Variants in SHISA5 observed in about 807,000 individuals in gnomAD.
The protein encoded by SHISA5 is protein shisa-5.
A neutral mutation model predicts 27.5 loss-of-function variants in SHISA5; 21 were observed. The ratio of observed to expected loss-of-function variants is 0.76; its 90% CI spans 0.54 to 1.10. The LOEUF (loss-of-function observed/expected upper bound fraction) is 1.10. Among genes scored for constraint, SHISA5 ranks in the 50% least tolerant of loss-of-function variants. The pLI, the probability that SHISA5 is intolerant of heterozygous loss-of-function variation, is 0.00. For synonymous variants in SHISA5, 137 were observed against 142.2 expected (o/e 0.96, Z 0.26); for missense variants, 314 against 336.3 (o/e 0.93, Z 0.52).
intron 2 of SHISA5, among the ~76,000 whole-genome samples, chr3:48,483,838 G>A (rs1190146617): frequency 3.3e-5 from 5 of 151,262 alleles, no homozygotes; most frequent in South Asian, 2.1e-4. Context: ...CCTCCCTCCC[G>A]GACAGGGCGG....
rs986805349 is a variant in SHISA5 at position 48,504,158 on chromosome 3, G to A, written c.-64C>T. 7.6e-6 allele frequency: 6 copies of A among 791,254 alleles called. No homozygotes were observed. The South Asian group carries it at 1.3e-4, about 17-fold the overall frequency. 49.0% of individuals were successfully genotyped at this position (791,254 alleles called of 1,614,324 possible). A position where few individuals can be genotyped will look rare whatever the true frequency, so the allele number is the denominator to read the frequency against. On this transcript the variant is annotated 5_prime_UTR_variant, in exon 1 of 6. Transcript: ENST00000296444. This position sits in a 1 kb window ranked among gnomAD's most constrained non-coding sequence, Gnocchi z 4.0. ...GGCGCAGTGCCGCCACAGCCTCAGTGATCCGCGCGGCCGCCCCTCTCCCTC... is the reference window on the plus strand; with the variant it reads ...GGCGCAGTGCCGCCACAGCCTCAGTAATCCGCGCGGCCGCCCCTCTCCCTC...
chr3:48,503,994 C>G (rs757128753), intron 1 of SHISA5, 25 bp downstream of exon 1: 2 of 1,456,768 alleles, frequency 1.4e-6, no homozygotes, highest in Non-Finnish European at 1.8e-6. Context: ...CAGGGCAGGA[C>G]GGGCCGCCCC....
Position 48,504,111 on chromosome 3 carries a change from G to A in SHISA5, c.-17C>T, listed in dbSNP as rs111510779. 4.3e-5 allele frequency: 54 copies of A among 1,255,830 alleles called. No homozygotes were observed. The highest frequency in any genetic ancestry group is 5.1e-5 in the Non-Finnish European group (50 of 976,440). The allele number at this position is 1,255,830 out of a possible 1,614,324, so 77.8% of individuals were successfully genotyped here. A position where few individuals can be genotyped will look rare whatever the true frequency, so the allele number is the denominator to read the frequency against. On this transcript the variant is annotated 5_prime_UTR_variant, in exon 1 of 6. Transcript: ENST00000296444. This position sits in a 1 kb window ranked among gnomAD's most constrained non-coding sequence, Gnocchi z 4.0. The stretch of plus-strand genomic sequence containing the variant: ...CGCAGTCATGGCTGGGCGGGCGGAC[G>A]GGCGGACGGACGCGAGCGCCGGGCG...
chr3:48,477,410 A>G (rs1007431775), intron 3 of SHISA5, among the ~76,000 whole-genome samples: 6 of 152,032 alleles, frequency 3.9e-5, no homozygotes, highest in African/African-American at 1.2e-4. Flanking sequence ...TTTTAAAAAC[A>G]AAAAACAAAA....
chr3:48,501,414 C>T (rs1049299332), intron 1 of SHISA5, 121 bp from the exon 2 acceptor site: 2 of 1,142,398 alleles, frequency 1.8e-6, no homozygotes, highest in South Asian at 1.5e-5. Context: ...CGTCTCTGAG[C>T]CACCCTAGCC....
At chr3:48,493,137 T>TG (rs2041477352) in intron 2 of SHISA5, among the ~76,000 whole-genome samples, 5 of 524 alleles carry the variant, frequency 9.5e-3, no homozygotes, top group Non-Finnish European at 0.019. Context: ...ATTGCTAAAA[T>TG]TAAACTTTCG....
chr3:48,472,213 C>T (rs924759444), intron 3 of SHISA5, among the ~76,000 whole-genome samples: 1 of 151,150 alleles, frequency 6.6e-6, no homozygotes, highest in Non-Finnish European at 1.5e-5. Context: ...ATAGGCCAGG[C>T]GCAGTGGTTC....
rs1423153690 is a variant in SHISA5, at chr3:48,473,123, AAATCT to A, written c.315-3285_315-3281del. On this transcript the variant is annotated intron_variant, in intron 3 of 5. Coordinates refer to ENST00000296444, the MANE Select transcript of SHISA5 (RefSeq NM_016479.6). The surrounding 1 kb of genome is among the most constrained non-coding windows in gnomAD (Gnocchi z 4.3). The stretch of plus-strand genomic sequence containing the variant: ...CTCCCCTTTTGGAGAAAAAGAAAGC[AAATCT>A]CCTCCAGATGACGTCAGCCACAGGA... The A allele has an allele frequency of 1.3e-5, 19 of 1,474,468 alleles. No homozygotes were observed. The highest frequency in any genetic ancestry group is 1.7e-5 in the Non-Finnish European group (19 of 1,116,902). 91.3% of individuals were successfully genotyped at this position (1,474,468 alleles called of 1,614,324 possible).
chr3:48,472,093 G>A (rs1334597021), intron 3 of SHISA5, among the ~76,000 whole-genome samples: 1 of 152,036 alleles, frequency 6.6e-6, no homozygotes, highest in Non-Finnish European at 1.5e-5. Context: ...TGAGGCAGGA[G>A]AATCGCTTGA....
chr3:48,480,389 C>T (rs558814399), intron 2 of SHISA5, among the ~76,000 whole-genome samples: 4 of 151,274 alleles, frequency 2.6e-5, no homozygotes, highest in South Asian at 2.1e-4. Flanking sequence ...ATCATGATCA[C>T]GAAGAAGTAA....
At chr3:48,477,140 C>T (rs2040854701) in intron 3 of SHISA5, 1 of 429,234 alleles carries the variant, frequency 2.3e-6, no homozygotes, top group East Asian at 7.1e-5. Flanking sequence ...CAACCCTTCA[C>T]ATGGATTCTC....
intron 1 of SHISA5, 41 bp from the exon 2 acceptor site, chr3:48,501,334 C>A: frequency 6.3e-7 from 1 of 1,598,768 alleles, no homozygotes; most frequent in African/African-American, 1.3e-5. Context: ...TGCCCACGGG[C>A]CAGGCCCCAG....
chr3:48,487,104 A>G (rs1314847210), intron 2 of SHISA5, among the ~76,000 whole-genome samples: 2 of 150,726 alleles, frequency 1.3e-5, no homozygotes, highest in Admixed American at 1.3e-4. Context: ...AATAATGTCC[A>G]TAGGCGCACA....
chr3:48,500,104 A>G (rs1289254738), intron 2 of SHISA5, among the ~76,000 whole-genome samples: 1 of 152,126 alleles, frequency 6.6e-6, no homozygotes, highest in Non-Finnish European at 1.5e-5. Flanking sequence ...CCAGATGCCC[A>G]CTGAAGCTAT....
chr3:48,503,579 C>G, intron 1 of SHISA5: 1 of 464,714 alleles, frequency 2.2e-6, no homozygotes, highest in Non-Finnish European at 3.1e-6. Context: ...CAGCGCCGGG[C>G]TCTACAGGAA....
intron 1 of SHISA5, chr3:48,502,448 T>C (rs935583600): frequency 2.2e-6 from 1 of 456,040 alleles, no homozygotes; most frequent in Non-Finnish European, 4.4e-6. Context: ...GCACCATCTG[T>C]AGCCCTGGAG....
chr3:48,491,887 TA>T (rs2041438681), intron 2 of SHISA5, among the ~76,000 whole-genome samples: 1 of 151,876 alleles, frequency 6.6e-6, no homozygotes, highest in Admixed American at 6.6e-5. Flanking sequence ...CCTTTTGTAA[TA>T]GGGGTGGCTA....
chr3:48,487,747 T>A (rs182477565), intron 2 of SHISA5, among the ~76,000 whole-genome samples: 44 of 152,066 alleles, frequency 2.9e-4, no homozygotes, highest in African/African-American at 1.0e-3. Flanking sequence ...ACCAAAAAAA[T>A]TATCTGGGCA....
chr3:48,485,364 G>T (rs1297749352), intron 2 of SHISA5, among the ~76,000 whole-genome samples: 6 of 150,928 alleles, frequency 4.0e-5, no homozygotes, highest in Non-Finnish European at 1.5e-5. Flanking sequence ...GCGTGGTGGT[G>T]CATGCCTGTA....
Sources: allele counts gnomAD v4.1 joint callset (sites outside exome capture counted in the v4.1 genomes callset), GRCh38; gene constraint gnomAD v4.1.1; non-coding constraint Gnocchi (gnomAD v3.1); transcripts MANE v1.5; gene names NCBI Gene and HGNC (gene_info 2026-07-23, HGNC 2026-07-21).